The following SOX6 variants were observed in gnomAD, a reference collection of about 807,000 sequenced individuals.
SOX6 encodes transcription factor SOX-6.
In SOX6, 11 loss-of-function variants were observed where a neutral mutation model predicts 97.8. The ratio of observed to expected loss-of-function variants is 0.11; its 90% CI spans 0.07 to 0.19. SOX6 has a LOEUF of 0.19. SOX6 is among the 10% of genes least tolerant of loss of function. The pLI, the probability that SOX6 is intolerant of heterozygous loss-of-function variation, is 1.00. For missense variants in SOX6, 810 were observed against 1,039.5 expected, an observed-to-expected ratio of 0.78 and a Z score of 3.04; for synonymous variants, 360 against 371.4, an observed-to-expected ratio of 0.97 and a Z score of 0.35.
chr11:16,235,280 A>G (rs1291754224), intron 3 of SOX6, among the ~76,000 whole-genome samples: 3 of 152,102 alleles, frequency 2.0e-5, no homozygotes, highest in African/African-American at 7.2e-5. Context: ...TTAAATAAAT[A>G]CCTATATAAA....
At chr11:16,098,202 G>T (rs1443864806) in intron 7 of SOX6, among the ~76,000 whole-genome samples, 2 of 151,740 alleles carry the variant, frequency 1.3e-5, no homozygotes, top group African/African-American at 4.8e-5. Context: ...AGGGCTGAGA[G>T]GACAGCTAAT....
At chr11:16,153,992 G>A (rs1237657518) in intron 6 of SOX6, among the ~76,000 whole-genome samples, 1 of 152,066 alleles carries the variant, frequency 6.6e-6, no homozygotes, top group African/African-American at 2.4e-5. Flanking sequence ...GGGTAATGCT[G>A]CCTGATAATA....
chr11:15,989,046 G>T lies in SOX6; in HGVS notation c.1917C>A (p.Ile639=). ...TATGCATGTCGGGGAAGGCCTGAAG[G>T]ATTTTTCTCCTCTCATCCTTTGCCC... is the stretch of plus-strand genomic sequence containing the variant. The part of the protein sequence containing the change: ...MVWAKDERRK[I]LQAFPDMHNS... Residue 639 remains isoleucine, a synonymous_variant, in exon 14 of 16, where the codon ATC becomes ATA. Coordinates refer to ENST00000683767, the MANE Select transcript of SOX6 (RefSeq NM_001367873.1). 1 of 1,614,180 alleles carries T rather than the reference G, an allele frequency of 6.2e-7. No homozygotes were observed.
chr11:16,149,070 CAAAGTT>C (rs1243973312), intron 6 of SOX6, among the ~76,000 whole-genome samples: 2 of 152,144 alleles, frequency 1.3e-5, no homozygotes, highest in African/African-American at 4.8e-5. Flanking sequence ...TGCCCCTTCT[CAAAGTT>C]AACTACCACG....
chr11:16,646,181 A>T (rs1391865041), intron 3 of SOX6: 1 of 152,202 alleles, frequency 6.6e-6, no homozygotes, highest in Non-Finnish European at 1.5e-5. Context: ...CAAATCACAC[A>T]AACATATTTA....
chr11:16,711,446 C>T (rs1169059277), intron 3 of SOX6, among the ~76,000 whole-genome samples: 1 of 152,186 alleles, frequency 6.6e-6, no homozygotes, highest in South Asian at 2.1e-4. Context: ...TCACTTGAGC[C>T]TCGGAGGTGG....
At chr11:16,371,374 A>G (rs1857490442) in intron 1 of SOX6, among the ~76,000 whole-genome samples, 1 of 151,542 alleles carries the variant, frequency 6.6e-6, no homozygotes, top group East Asian at 1.9e-4. Context: ...TTGCACATAT[A>G]CCTCCACCCT....
At chr11:16,164,807 C>T (rs1358917072) in intron 6 of SOX6, among the ~76,000 whole-genome samples, 8 of 141,004 alleles carry the variant, frequency 5.7e-5, no homozygotes, top group Middle Eastern at 3.5e-3. Context: ...AGCAACAGAG[C>T]GAGACTTGGT....
intron 3 of SOX6, among the ~76,000 whole-genome samples, chr11:16,265,816 C>A (rs1854068034): frequency 6.6e-6 from 1 of 151,648 alleles, no homozygotes; most frequent in African/African-American, 2.4e-5. Flanking sequence ...GAAAAACATA[C>A]TGAATAAATC....
chr11:16,428,053 T>C (rs1265008177), intron 1 of SOX6, among the ~76,000 whole-genome samples: 2 of 152,246 alleles, frequency 1.3e-5, no homozygotes, highest in Non-Finnish European at 2.9e-5. Context: ...CTCATTGTGG[T>C]TTTGATATGC....
chr11:16,394,306 C>T (rs993878970), intron 1 of SOX6, among the ~76,000 whole-genome samples: 4 of 151,928 alleles, frequency 2.6e-5, no homozygotes, highest in African/African-American at 7.2e-5. Context: ...GTAATAAAAA[C>T]ATAAGGTGCA....
intron 1 of SOX6, among the ~76,000 whole-genome samples, chr11:16,369,527 A>C (rs1042061852): frequency 3.9e-5 from 6 of 152,342 alleles, no homozygotes; most frequent in African/African-American, 1.4e-4. Flanking sequence ...GATAGAAAAG[A>C]GTTTAAAAGT....
At chr11:16,212,513 GCTT>G (rs1358215800) in intron 4 of SOX6, among the ~76,000 whole-genome samples, 1 of 151,570 alleles carries the variant, frequency 6.6e-6, no homozygotes, top group Non-Finnish European at 1.5e-5. Flanking sequence ...ATATTTGACT[GCTT>G]CTTTATTTTG....
intron 6 of SOX6, among the ~76,000 whole-genome samples, chr11:16,116,228 AT>A (rs1849345179): frequency 6.6e-6 from 1 of 152,058 alleles, no homozygotes; most frequent in African/African-American, 2.4e-5. Flanking sequence ...AGCAGCTAAT[AT>A]TTTTTCTTGT....
chr11:16,157,319 A>C (rs1850629320), intron 6 of SOX6, among the ~76,000 whole-genome samples: 1 of 151,880 alleles, frequency 6.6e-6, no homozygotes, highest in Non-Finnish European at 1.5e-5. Flanking sequence ...GCTAATATCC[A>C]AATCCTATCC....
chr11:16,423,700 C>G (rs12276516), intron 1 of SOX6, among the ~76,000 whole-genome samples: 51,180 of 151,790 alleles, frequency 0.34, 9,143 homozygotes, highest in Non-Finnish European at 0.4. Flanking sequence ...ATGAGACATC[C>G]AGGTAAAAAT....
chr11:15,976,752 A>G (rs73417011), intron 15 of SOX6, among the ~76,000 whole-genome samples: 10,115 of 152,198 alleles, frequency 0.066, 1,129 homozygotes, highest in African/African-American at 0.23. Context: ...AAAGTCCCCA[A>G]AGAATAACAT....
chr11:16,348,156 C>G (rs1414727122), intron 1 of SOX6, among the ~76,000 whole-genome samples: 1 of 152,072 alleles, frequency 6.6e-6, no homozygotes. Flanking sequence ...ATTGTACAAG[C>G]CTGAAAATCA....
intron 6 of SOX6, among the ~76,000 whole-genome samples, chr11:16,176,067 G>T (rs899230650): frequency 1.8e-5 from 2 of 113,520 alleles, no homozygotes; most frequent in Non-Finnish European, 3.9e-5. Flanking sequence ...ACAGACGGAC[G>T]GACGGATGGA....
Sources: gnomAD v4.1 joint callset for allele counts (sites outside exome capture counted in the v4.1 genomes callset) on GRCh38, gnomAD v4.1.1 for gene constraint, MANE v1.5 for transcripts, NCBI Gene and HGNC (gene_info 2026-07-23, HGNC 2026-07-21) for gene names.